The following PTPRD variants were observed in gnomAD, a reference collection of about 807,000 sequenced individuals.
The protein encoded by PTPRD is receptor-type tyrosine-protein phosphatase delta.
Under a neutral mutation model 214.5 loss-of-function variants are expected in PTPRD, and 34 were observed. That is an observed-to-expected ratio of 0.16 (90% confidence interval 0.12 to 0.21). The LOEUF (loss-of-function observed/expected upper bound fraction) is 0.21, where lower values mean the gene tolerates loss of function less well. PTPRD is among the 10% of genes least tolerant of loss of function. The pLI, the probability that PTPRD is intolerant of heterozygous loss-of-function variation, is 1.00. For synonymous variants in PTPRD, 1,128 were observed against 845.7 expected, an observed-to-expected ratio of 1.33 and a Z score of -5.79; for missense variants, 2,545 against 2,398.7, an observed-to-expected ratio of 1.06 and a Z score of -1.27.
chr9:10,490,786 G>C (rs974056038), intron 2 of PTPRD, among the ~76,000 whole-genome samples: 2 of 151,932 alleles, frequency 1.3e-5, no homozygotes, highest in Admixed American at 6.6e-5. Context: ...TTTGGTACTT[G>C]GCTTGATCCT....
intron 14 of PTPRD, among the ~76,000 whole-genome samples, chr9:8,564,025 A>G (rs879423863): frequency 1.1e-4 from 16 of 152,178 alleles, no homozygotes; most frequent in Admixed American, 9.8e-4. Context: ...AGTAGAAACT[A>G]CACTTTGAAT....
At chr9:8,749,168 A>G (rs1263274461) in intron 11 of PTPRD, among the ~76,000 whole-genome samples, 1 of 152,046 alleles carries the variant, frequency 6.6e-6, no homozygotes, top group South Asian at 2.1e-4. Flanking sequence ...CCCTAGATAT[A>G]GTTGGGATTT....
intron 35 of PTPRD, among the ~76,000 whole-genome samples, chr9:8,415,985 A>G (rs1477191071): frequency 1.3e-5 from 2 of 152,100 alleles, no homozygotes; most frequent in African/African-American, 2.4e-5. Context: ...ACCTGGCTCA[A>G]TTCACCCCAC....
intron 2 of PTPRD, among the ~76,000 whole-genome samples, chr9:10,489,243 G>A (rs1018440432): frequency 6.6e-6 from 1 of 152,130 alleles, no homozygotes; most frequent in African/African-American, 2.4e-5. Flanking sequence ...GGTGTGTCTA[G>A]AAATGTCATC....
At chr9:9,836,971 C>T (rs1235047712) in intron 5 of PTPRD, among the ~76,000 whole-genome samples, 1 of 152,104 alleles carries the variant, frequency 6.6e-6, no homozygotes, top group Non-Finnish European at 1.5e-5. Flanking sequence ...AAAAGCCTCA[C>T]CTATGTGTGG....
chr9:9,140,419 C>G (rs1480567057), intron 10 of PTPRD, among the ~76,000 whole-genome samples: 4 of 151,998 alleles, frequency 2.6e-5, no homozygotes, highest in Non-Finnish European at 1.5e-5. Context: ...GAGAGAAATA[C>G]TAAAGAAGGA....
chr9:9,567,273 G>C (rs931519298), intron 8 of PTPRD, among the ~76,000 whole-genome samples: 1 of 151,776 alleles, frequency 6.6e-6, no homozygotes, highest in African/African-American at 2.4e-5. Context: ...TTCTGCTAGG[G>C]GTGGGATTGT....
At position 8,413,799 on chromosome 9, in the gene PTPRD, T is replaced by G. The variant is rs540181029; in HGVS notation, c.4087-9139A>C. On this transcript the variant is annotated intron_variant, in intron 35 of 45. Coordinates refer to ENST00000381196, the MANE Select transcript of PTPRD (RefSeq NM_002839.4). ...TAGAACAAATTAACACAATCTAGAA[T>G]TTTAGAGTTTAGTATCTTTCTAAAC... Among the ~76,000 whole-genome samples the G allele has an allele frequency of 5.8e-4, 88 of 152,316 alleles. 1 individual carries two copies. Among genetic ancestry groups the G allele is most frequent in the African/African-American group, 2.0e-3 (84 of 41,588 alleles).
chr9:8,367,129 T>C (rs947853816), intron 39 of PTPRD, among the ~76,000 whole-genome samples: 5 of 152,298 alleles, frequency 3.3e-5, no homozygotes, highest in East Asian at 1.9e-4. Flanking sequence ...TTTCAAGTAA[T>C]GAGCCTAGTT....
intron 7 of PTPRD, among the ~76,000 whole-genome samples, chr9:9,632,770 A>T (rs1044557297): frequency 6.6e-6 from 1 of 152,170 alleles, no homozygotes; most frequent in Non-Finnish European, 1.5e-5. Context: ...ACAGTTACAT[A>T]GGTATAAATA....
At chr9:10,394,904 T>C (rs1365754183) in intron 2 of PTPRD, among the ~76,000 whole-genome samples, 1 of 151,678 alleles carries the variant, frequency 6.6e-6, no homozygotes, top group Non-Finnish European at 1.5e-5. Flanking sequence ...TGAATGTGGA[T>C]TTAATATGCA....
At chr9:9,671,601 G>A (rs528322734) in intron 7 of PTPRD, among the ~76,000 whole-genome samples, 13 of 152,064 alleles carry the variant, frequency 8.5e-5, no homozygotes, top group Non-Finnish European at 1.8e-4. Flanking sequence ...CTTGTGGGAG[G>A]GACCCAGTGG....
chr9:8,648,506 T>C (rs2096741275), intron 12 of PTPRD, among the ~76,000 whole-genome samples: 1 of 152,242 alleles, frequency 6.6e-6, no homozygotes, highest in Admixed American at 6.5e-5. Context: ...TCATGCATTC[T>C]TAATGAAAAC....
At chr9:9,274,652 G>C (rs928693850) in intron 9 of PTPRD, among the ~76,000 whole-genome samples, 1 of 151,002 alleles carries the variant, frequency 6.6e-6, no homozygotes, top group African/African-American at 2.4e-5. Context: ...GAAAGAACTT[G>C]AACATATTCT....
chr9:10,434,959 C>G (rs893258052), intron 2 of PTPRD, among the ~76,000 whole-genome samples: 1 of 151,678 alleles, frequency 6.6e-6, no homozygotes, highest in African/African-American at 2.4e-5. Flanking sequence ...TATGCTACCC[C>G]GAGCGCTGGA....
chr9:9,869,245 A>C (rs1458116710), intron 5 of PTPRD, among the ~76,000 whole-genome samples: 1 of 152,180 alleles, frequency 6.6e-6, no homozygotes, highest in Non-Finnish European at 1.5e-5. Context: ...ATGGCTGACA[A>C]AGGAAAGTCT....
chr9:10,098,163 A>T (rs914409098), intron 3 of PTPRD, among the ~76,000 whole-genome samples: 78 of 151,846 alleles, frequency 5.1e-4, no homozygotes, highest in African/African-American at 1.7e-3. Context: ...CTATGGAGCC[A>T]TAAAAAATGA....
At chr9:10,569,239 T>G (rs1304359110) in intron 2 of PTPRD, among the ~76,000 whole-genome samples, 3 of 152,100 alleles carry the variant, frequency 2.0e-5, no homozygotes, top group Non-Finnish European at 4.4e-5. Context: ...TCACACCAGT[T>G]AGAATGGCGA....
At chr9:8,343,149 AT>A (rs34933091) in intron 39 of PTPRD, among the ~76,000 whole-genome samples, 87,999 of 151,320 alleles carry the variant, frequency 0.58, 26,695 homozygotes, top group Non-Finnish European at 0.68. Context: ...GTAAGAGATC[AT>A]TTTTTTTTTA....
Sources: allele counts gnomAD v4.1 joint callset (sites outside exome capture counted in the v4.1 genomes callset), GRCh38; gene constraint gnomAD v4.1.1; transcripts MANE v1.5; gene names NCBI Gene and HGNC (gene_info 2026-07-23, HGNC 2026-07-21).